The following FCSK variants were observed in gnomAD, a reference collection of about 807,000 sequenced individuals.
FCSK encodes L-fucose kinase.
In FCSK, 123 loss-of-function variants were observed where a neutral mutation model predicts 122.5. That is an observed-to-expected ratio of 1.00 (90% CI 0.87 to 1.17). FCSK has a LOEUF of 1.17. FCSK is among the 50% of genes most tolerant of loss of function. FCSK has a pLI of 0.00. For missense variants in FCSK, 1,366 were observed against 1,450.4 expected, an observed-to-expected ratio of 0.94 and a Z score of 0.95; for synonymous variants, 620 against 625.5, an observed-to-expected ratio of 0.99 and a Z score of 0.13.
At chr16:70,466,089 G>T (rs756633894) in intron 4 of FCSK, 43 bp from the exon 5 acceptor site, 21 of 1,601,414 alleles carry the variant, frequency 1.3e-5, no homozygotes, top group Middle Eastern at 3.3e-4. Flanking sequence ...GTGGCCTTGG[G>T]CTCTGTGCAC....
rs1567699815 is a variant in FCSK at position 70,467,447 on chromosome 16, T to C, written c.558T>C (p.His186=). The C allele has an allele frequency of 3.1e-6, 5 of 1,607,608 alleles. No homozygotes were observed. Among genetic ancestry groups the C allele is most frequent in the Non-Finnish European group, 4.2e-6 (5 of 1,177,510 alleles). ...GGAGCCCGGCCTACGCTCAGAATCA[T>C]GGCGTCTACCTAACTGACCCCCAGG... ...LPGSPAYAQN[H]GVYLTDPQGL... Residue 186 remains histidine, a synonymous_variant, in exon 7 of 24, where the codon CAT becomes CAC. Coordinates refer to ENST00000288078, the MANE Select transcript of FCSK (RefSeq NM_145059.3).
chr16:70,479,291 C>G lies in FCSK; in HGVS notation c.3041C>G (p.Pro1014Arg), dbSNP rs756466817. The G allele has an allele frequency of 1.5e-5, 25 of 1,613,926 alleles. 1 individual carries two copies. The highest frequency in any genetic ancestry group is 1.6e-4 in the Middle Eastern group (1 of 6,082). ...TVRRMMDVLA[P>R]HVHGQSLAGA... ...CGGCGTATGATGGATGTCCTGGCCC[C>G]CCACGTGCATGGCCAGAGCCTGGCT... is the stretch of plus-strand genomic sequence containing the variant. The change falls in exon 23 of 24, where the codon CCC becomes CGC. Residue 1014 changes from proline (P) to arginine (R), a missense_variant. By Grantham distance (103) the Pro-to-Arg change is moderately radical. Coordinates refer to ENST00000288078, the MANE Select transcript of FCSK (RefSeq NM_145059.3).
rs754026012 is a variant in FCSK at position 70,472,342 on chromosome 16, C to G, written c.1342-199C>G. Among the ~76,000 whole-genome samples, 62 of 152,224 alleles carry G rather than the reference C, an allele frequency of 4.1e-4. 1 individual carries two copies. The Middle Eastern group carries it at 0.017, about 42-fold the overall frequency. On this transcript the variant is annotated intron_variant, in intron 13 of 23. Coordinates refer to ENST00000288078, the MANE Select transcript of FCSK (RefSeq NM_145059.3). ...CCTGTAATCTCAACACTCTGGGAGG[C>G]CGAGGTGGGAGGCCAGGAGTTCATA...
At position 70,469,249 on chromosome 16, in the gene FCSK, C is replaced by T. The variant is rs746306484; in HGVS notation, c.881C>T (p.Ala294Val). The change falls in exon 10 of 24, where the codon GCA (alanine) becomes GTA (valine). Residue 294 changes from alanine (A) to valine (V), a missense_variant. Coordinates refer to ENST00000288078, the MANE Select transcript of FCSK (RefSeq NM_145059.3). Reference protein sequence around the residue: ...GRPPELGQGDADVAGYLQSAR... With the variant: ...GRPPELGQGDVDVAGYLQSAR... Reference sequence around the variant, plus strand: ...CCCCCAGAGTTGGGGCAAGGCGATGCAGATGTAGCGGGTTATCTGCAGAGC... The same window carrying T: ...CCCCCAGAGTTGGGGCAAGGCGATGTAGATGTAGCGGGTTATCTGCAGAGC... 4.3e-6 allele frequency: 7 copies of T among 1,613,846 alleles called. No individual in the cohort carries two copies. In the African/African-American group the frequency reaches 5.3e-5, roughly 12 times the overall value.
At chr16:70,464,455 C>T (rs1292485724) in intron 3 of FCSK, among the ~76,000 whole-genome samples, 1 of 152,096 alleles carries the variant, frequency 6.6e-6, no homozygotes, top group Non-Finnish European at 1.5e-5. Context: ...AGTTGGAGAC[C>T]AGCCTGACCA....
At position 70,478,665 on chromosome 16, in the gene FCSK, C is replaced by T. The variant is rs2048893747; in HGVS notation, c.2929+15C>T. ...CTTCCGCCAAGGTGAGGGGCTTCCT[C>T]TGGGGGGGTCAGGGCACTGGGAGCG... is the stretch of plus-strand genomic sequence containing the variant. On this transcript the variant is annotated intron_variant, in intron 22 of 23. Coordinates refer to ENST00000288078, the MANE Select transcript of FCSK (RefSeq NM_145059.3). 1 of 1,608,256 alleles carries T rather than the reference C, an allele frequency of 6.2e-7. No homozygotes were observed. Among genetic ancestry groups the T allele is most frequent in the African/African-American group, 1.3e-5 (1 of 74,816 alleles).
chr16:70,467,066 C>T lies in FCSK; in HGVS notation c.484+112C>T, dbSNP rs17882726. The T allele has an allele frequency of 0.01, 10,098 of 998,582 alleles. 684 individuals are homozygous for T. The African/African-American group carries it at 0.14, about 14-fold the overall frequency. 61.9% of individuals were successfully genotyped at this position (998,582 alleles called of 1,614,324 possible). A position where few individuals can be genotyped will look rare whatever the true frequency, so the allele number is the denominator to read the frequency against. On this transcript the variant is annotated intron_variant, in intron 6 of 23. Coordinates refer to ENST00000288078, the MANE Select transcript of FCSK (RefSeq NM_145059.3). ...GGGCCTGCCCCGCTGCCCTATTAGACGGGAAGCTGGAGGGTGTGGAGAATG... is the reference window on the plus strand; with the variant it reads ...GGGCCTGCCCCGCTGCCCTATTAGATGGGAAGCTGGAGGGTGTGGAGAATG...
intron 7 of FCSK, 60 bp downstream of exon 7, chr16:70,467,531 C>A: frequency 7.7e-7 from 1 of 1,303,498 alleles, no homozygotes; most frequent in Non-Finnish European, 1.1e-6. Flanking sequence ...CAGTGGGCAG[C>A]CTCCTCCCTG....
intron 10 of FCSK, among the ~76,000 whole-genome samples, chr16:70,469,906 G>GTAATT (rs1032748314): frequency 1.3e-5 from 2 of 151,318 alleles, no homozygotes; most frequent in African/African-American, 4.9e-5. Flanking sequence ...GTGCAGTGGC[G>GTAATT]TAATTTCGGC....
At chr16:70,461,368 T>C (rs1224684141) in intron 1 of FCSK, among the ~76,000 whole-genome samples, 1 of 150,768 alleles carries the variant, frequency 6.6e-6, no homozygotes, top group Non-Finnish European at 1.5e-5. Flanking sequence ...GAGGTGAATG[T>C]GTGGGTACTC....
At chr16:70,468,164 G>A (rs547313428) in intron 8 of FCSK, among the ~76,000 whole-genome samples, 198 bp downstream of exon 8, 35 of 152,214 alleles carry the variant, frequency 2.3e-4, no homozygotes, top group Non-Finnish European at 4.1e-4. Context: ...GCTAACGCCT[G>A]TAATCCCAGC....
chr16:70,479,502 G>T (rs781708412), intron 23 of FCSK, 77 bp from the exon 24 acceptor site: 1 of 1,496,154 alleles, frequency 6.7e-7, no homozygotes, highest in Non-Finnish European at 9.2e-7. Flanking sequence ...AGTCCCCCTG[G>T]TCCTGCAGGC....
Position 70,476,042 on chromosome 16 carries a change from G to A in FCSK, c.2641+275G>A, listed in dbSNP as rs17885619. 1.2e-4 allele frequency: 30 copies of A among 247,174 alleles called. No homozygotes were observed. In the South Asian group the frequency reaches 1.7e-3, roughly 14 times the overall value. The allele number at this position is 247,174 out of a possible 1,614,324, so 15.3% of individuals were successfully genotyped here. On this transcript the variant is annotated intron_variant, in intron 20 of 23. Coordinates refer to ENST00000288078, the MANE Select transcript of FCSK (RefSeq NM_145059.3). ...TTTTGAGACGGAGTCTTGCTCTGTC[G>A]CCCAGGCTGGAGTGCAGTGGTGCGA...
In FCSK at chr16:70,479,579, G is replaced by A; in HGVS notation, c.3154G>A (p.Gly1052Ser). 1 of 1,613,554 alleles carries A rather than the reference G, an allele frequency of 6.2e-7. No homozygotes were observed. The highest frequency in any genetic ancestry group is 1.1e-5 in the South Asian group (1 of 90,994). ...TCTAAATACTTCCTGTCTTGTCCAG[G>A]GCCTTGGGAATTACAGCATCCACCT... ...ALEAVLAKTEGLGNYSIHLVE... is the reference protein window; with the variant it reads ...ALEAVLAKTESLGNYSIHLVE... The change falls in exon 24 of 24, where the codon GGC becomes AGC. Residue 1052 changes from glycine to serine, a missense_variant and splice_region_variant. Coordinates refer to ENST00000288078, the MANE Select transcript of FCSK (RefSeq NM_145059.3).
In FCSK at chr16:70,455,676, A is replaced by G. The variant is rs540969223; in HGVS notation, c.-23+1046A>G. Among the ~76,000 whole-genome samples the G allele has an allele frequency of 2.6e-5, 4 of 151,866 alleles. No individual in the cohort carries two copies. The East Asian group carries it at 5.8e-4, about 22-fold the overall frequency. On this transcript the variant is annotated intron_variant, in intron 1 of 23. Transcript: ENST00000288078. ...GGAGGCGGAAGCAGGTAGATCACCT[A>G]TGGTCAGGAGTTTGAGACCAGCGTG...
rs369804910 is a variant in FCSK, at chr16:70,474,158, G to A, written c.1807G>A (p.Ala603Thr). ...VAAGAGDPGVAARALACVADV... is the reference protein window; with the variant it reads ...VAAGAGDPGVTARALACVADV... Reference sequence around the variant, plus strand: ...AGCTGGGGCAGGAGACCCTGGTGTGGCGGCACGGGCACTGGCCTGTGTGGC... The same window carrying A: ...AGCTGGGGCAGGAGACCCTGGTGTGACGGCACGGGCACTGGCCTGTGTGGC... The change falls in exon 16 of 24, where the codon GCG (alanine) becomes ACG (threonine). Residue 603 changes from alanine (A) to threonine (T), a missense_variant. Transcript: ENST00000288078. The A allele has an allele frequency of 5.1e-6, 8 of 1,553,838 alleles. No individual in the cohort carries two copies. The highest frequency in any genetic ancestry group is 2.4e-5 in the East Asian group (1 of 41,328).
Position 70,473,135 on chromosome 16 carries a change from G to A in FCSK, c.1559G>A (p.Arg520Gln), listed in dbSNP as rs745746863. 2.3e-5 allele frequency: 36 copies of A among 1,563,216 alleles called. No individual in the cohort carries two copies. The highest frequency in any genetic ancestry group is 4.7e-5 in the South Asian group (4 of 85,400). The change falls in exon 15 of 24, where the codon CGA becomes CAA. Residue 520 changes from arginine (R) to glutamine (Q), a missense_variant. Arg to Gln is a conservative substitution (Grantham distance 43). Coordinates refer to ENST00000288078, the MANE Select transcript of FCSK (RefSeq NM_145059.3). The surrounding 1 kb of genome is among the most constrained non-coding windows in gnomAD (Gnocchi z 4.9). Reference protein sequence around the residue: ...DHQEDGGEALRAWRASWRLSW... With the variant: ...DHQEDGGEALQAWRASWRLSW... ...CAGGAGGATGGGGGCGAGGCCCTGC[G>A]AGCCTGGCGGGCCTCCTGGCGCCTG...
Position 70,474,270 on chromosome 16 carries a change from A to G in FCSK, c.1919A>G (p.Tyr640Cys). 6.2e-7 allele frequency: 1 copy of G among 1,613,136 alleles called. No homozygotes were observed. The change falls in exon 16 of 24, where the codon TAC (tyrosine) becomes TGC (cysteine). Residue 640 changes from tyrosine to cysteine, a missense_variant. Transcript: ENST00000288078. ...ANPEWMRPFSYLECGDLAAGV... is the reference protein window; with the variant it reads ...ANPEWMRPFSCLECGDLAAGV... ...CCTGAGTGGATGCGGCCCTTCTCAT[A>G]CCTGGAGTGTGGAGACCTGGCAGCG...
At chr16:70,470,592 C>T (rs1016909378) in intron 11 of FCSK, among the ~76,000 whole-genome samples, 166 bp downstream of exon 11, 5 of 152,218 alleles carry the variant, frequency 3.3e-5, no homozygotes, top group Admixed American at 2.0e-4. Context: ...AGTAACTTGC[C>T]TAAGGCCACA....
Sources: allele counts gnomAD v4.1 joint callset (sites outside exome capture counted in the v4.1 genomes callset), GRCh38; gene constraint gnomAD v4.1.1; non-coding constraint Gnocchi (gnomAD v3.1); transcripts MANE v1.5; gene names NCBI Gene and HGNC (gene_info 2026-07-23, HGNC 2026-07-21).